Variants in CAP2 observed in about 807,000 individuals in gnomAD.
The protein encoded by CAP2 is adenylyl cyclase-associated protein 2.
Under a neutral mutation model 57.7 loss-of-function variants are expected in CAP2, and 24 were observed. The ratio of observed to expected loss-of-function variants is 0.42; its 90% CI spans 0.30 to 0.58. The LOEUF (loss-of-function observed/expected upper bound fraction) is 0.58, where lower values mean the gene tolerates loss of function less well. Ranked by LOEUF, CAP2 falls within the 20% of genes least tolerant of loss-of-function variation. The pLI, the probability that CAP2 is intolerant of heterozygous loss-of-function variation, is 0.22. For missense variants in CAP2, 501 were observed against 590.3 expected, an observed-to-expected ratio of 0.85 and a Z score of 1.57; for synonymous variants, 194 against 207.2, an observed-to-expected ratio of 0.94 and a Z score of 0.55.
At chr6:17,508,564 A>G (rs1665298592) in intron 6 of CAP2, among the ~76,000 whole-genome samples, 1 of 152,128 alleles carries the variant, frequency 6.6e-6, no homozygotes, top group African/African-American at 2.4e-5. Flanking sequence ...AAGAGCAACA[A>G]GGTTCTACCT....
At chr6:17,415,370 A>AAAAAG (rs1433219220) in intron 1 of CAP2, among the ~76,000 whole-genome samples, 1 of 152,266 alleles carries the variant, frequency 6.6e-6, no homozygotes, top group East Asian at 1.9e-4. Context: ...GCCATGGAAG[A>AAAAAG]GACCCAAAGG....
At chr6:17,546,653 A>G (rs1216376974) in intron 11 of CAP2, among the ~76,000 whole-genome samples, 1 of 152,166 alleles carries the variant, frequency 6.6e-6, no homozygotes, top group Non-Finnish European at 1.5e-5. Flanking sequence ...AAAACTCTCA[A>G]TAAATTAGGT....
chr6:17,519,571 C>A (rs1231010487), intron 7 of CAP2, among the ~76,000 whole-genome samples: 1 of 152,138 alleles, frequency 6.6e-6, no homozygotes, highest in East Asian at 1.9e-4. Context: ...GAGTTTGTGT[C>A]ATTTCCTCAG....
chr6:17,536,810 C>T (rs577943918), intron 7 of CAP2, among the ~76,000 whole-genome samples: 2 of 152,278 alleles, frequency 1.3e-5, no homozygotes, highest in South Asian at 2.1e-4. Context: ...AGTAATACTT[C>T]GTGGTTCTCA....
At chr6:17,531,210 T>A in intron 7 of CAP2, 1 of 769,912 alleles carries the variant, frequency 1.3e-6, no homozygotes, top group Non-Finnish European at 2.4e-6. Flanking sequence ...CAGAATTGGG[T>A]ACCCCCATGC....
chr6:17,415,706 G>T (rs2113524010), intron 1 of CAP2, among the ~76,000 whole-genome samples: 1 of 152,306 alleles, frequency 6.6e-6, no homozygotes, highest in Admixed American at 6.5e-5. Flanking sequence ...GGGAGGCGAG[G>T]TGTACAGGTG....
intron 3 of CAP2, among the ~76,000 whole-genome samples, chr6:17,455,886 C>T (rs189797229): frequency 1.3e-5 from 2 of 152,304 alleles, no homozygotes; most frequent in African/African-American, 4.8e-5. Flanking sequence ...CTCAGTGTCT[C>T]TCTCTGCCTG....
chr6:17,539,323 C>A lies in CAP2; in HGVS notation c.691C>A (p.Leu231Ile). 6.2e-7 allele frequency: 1 copy of A among 1,614,078 alleles called. No homozygotes were observed. The highest frequency in any genetic ancestry group is 1.3e-5 in the African/African-American group (1 of 75,058). ...TTCTGTCCTCTCCTCTGGGCCTGGC[C>A]TTCCTCCACCCCCTCCTCCTCTGCC... ...AFSVLSSGPG[L>I]PPPPPPLPPP... Residue 231 changes from leucine to isoleucine, a missense_variant, in exon 8 of 13, where the codon CTT (leucine) becomes ATT (isoleucine). By Grantham distance (5) the Leu-to-Ile change is conservative. Coordinates refer to ENST00000229922, the MANE Select transcript of CAP2 (RefSeq NM_006366.3).
intron 1 of CAP2, among the ~76,000 whole-genome samples, chr6:17,395,736 T>C (rs1758649160): frequency 6.6e-6 from 1 of 152,242 alleles, no homozygotes; most frequent in East Asian, 1.9e-4. Context: ...ATTTATTATG[T>C]AACATTTTAT....
chr6:17,467,566 C>A (rs1050295892), intron 4 of CAP2, among the ~76,000 whole-genome samples: 4 of 152,174 alleles, frequency 2.6e-5, no homozygotes, highest in Non-Finnish European at 4.4e-5. Flanking sequence ...CTCTGTCACC[C>A]AGGCTGGAGT....
chr6:17,526,123 T>A (rs1415377661), intron 7 of CAP2, among the ~76,000 whole-genome samples: 3 of 151,004 alleles, frequency 2.0e-5, no homozygotes, highest in Admixed American at 2.0e-4. Context: ...AATGTGTCTT[T>A]TTTTTTTTTT....
At chr6:17,451,798 C>T (rs1465342814) in intron 3 of CAP2, among the ~76,000 whole-genome samples, 1 of 152,178 alleles carries the variant, frequency 6.6e-6, no homozygotes, top group Non-Finnish European at 1.5e-5. Context: ...GCGTGAGCCA[C>T]CACGCCCTGC....
At chr6:17,416,005 T>C (rs1156461362) in intron 1 of CAP2, among the ~76,000 whole-genome samples, 1 of 151,792 alleles carries the variant, frequency 6.6e-6, no homozygotes. Context: ...CCCAAAGAGA[T>C]TGGGCCTTCA....
intron 12 of CAP2, 109 bp from the exon 13 acceptor site, chr6:17,556,250 G>T: frequency 1.3e-6 from 1 of 741,582 alleles, no homozygotes. Context: ...GAATTTCTTT[G>T]CCTATCATGT....
At chr6:17,442,725 T>A (rs550552955) in intron 3 of CAP2, among the ~76,000 whole-genome samples, 8 of 149,182 alleles carry the variant, frequency 5.4e-5, no homozygotes, top group Non-Finnish European at 1.2e-4. Flanking sequence ...CCATCACTAT[T>A]TTTTTTTTTT....
intron 3 of CAP2, among the ~76,000 whole-genome samples, chr6:17,459,862 T>C (rs1401709218): frequency 1.3e-5 from 2 of 152,050 alleles, no homozygotes; most frequent in Non-Finnish European, 2.9e-5. Context: ...CTAAAAGATA[T>C]TAAGACATTC....
intron 1 of CAP2, among the ~76,000 whole-genome samples, chr6:17,409,263 T>A (rs1759074177): frequency 6.6e-6 from 1 of 151,662 alleles, no homozygotes; most frequent in Non-Finnish European, 1.5e-5. Context: ...TCCCAGCTAC[T>A]CGGGAGGCTG....
chr6:17,513,865 G>T lies in CAP2; in HGVS notation c.547G>T (p.Asp183Tyr). 2 of 1,611,390 alleles carry T rather than the reference G, an allele frequency of 1.2e-6. No individual in the cohort carries two copies. The highest frequency in any genetic ancestry group is 1.7e-6 in the Non-Finnish European group (2 of 1,177,546). ...ACAACAAAGTGATTTGCGTCATGTG[G>T]ATTGGGTGAAGTCATATTTGAACAT... Reference protein sequence around the residue: ...DYKHSDLRHVDWVKSYLNIWS... With the variant: ...DYKHSDLRHVYWVKSYLNIWS... Residue 183 changes from aspartate to tyrosine, a missense_variant, in exon 7 of 13, where the codon GAT becomes TAT. By Grantham distance (160) the Asp-to-Tyr change is radical. Coordinates refer to ENST00000229922, the MANE Select transcript of CAP2 (RefSeq NM_006366.3). This position sits in a 1 kb window ranked among gnomAD's most constrained non-coding sequence, Gnocchi z 4.3.
At chr6:17,401,001 C>T (rs898369479) in intron 1 of CAP2, among the ~76,000 whole-genome samples, 4 of 152,092 alleles carry the variant, frequency 2.6e-5, no homozygotes, top group African/African-American at 9.7e-5. Context: ...AATAGGCTTC[C>T]AAGTGTTGCA....
Sources: allele counts gnomAD v4.1 joint callset (sites outside exome capture counted in the v4.1 genomes callset), GRCh38; gene constraint gnomAD v4.1.1; non-coding constraint Gnocchi (gnomAD v3.1); transcripts MANE v1.5; gene names NCBI Gene and HGNC (gene_info 2026-07-23, HGNC 2026-07-21).